The following MARS1 variants were observed in gnomAD, a reference collection of about 807,000 sequenced individuals.
MARS1 encodes methionyl-tRNA synthetase 1, also known as methionine--tRNA ligase, cytoplasmic.
A neutral mutation model predicts 119.5 loss-of-function variants in MARS1; 80 were observed. The observed-to-expected ratio is 0.67, with a 90% CI of 0.56 to 0.81. The LOEUF (loss-of-function observed/expected upper bound fraction) is 0.81. Ranked by LOEUF, MARS1 falls within the 30% of genes least tolerant of loss-of-function variation. The probability of loss-of-function intolerance (pLI) is 0.00; values close to 1 mark genes in which losing one functional copy is unlikely to be tolerated. For missense variants in MARS1, 945 were observed against 1,116.5 expected (o/e 0.85, Z 2.19); for synonymous variants, 418 against 433.4 (o/e 0.96, Z 0.44).
intron 9 of MARS1, 105 bp downstream of exon 9, chr12:57,498,728 C>A: frequency 9.7e-7 from 1 of 1,028,700 alleles, no homozygotes; most frequent in East Asian, 2.4e-5. Context: ...CTGGGCACTC[C>A]TAAACTTAGG....
In MARS1 at chr12:57,511,695, C is replaced by G; in HGVS notation, c.1369-3C>G. ...AATCAGCCCTCTTTCTCCGTTATCT[C>G]AGCTGGAGAAGCGACTGGAGGAGTG... On this transcript the variant is annotated splice_region_variant and splice_polypyrimidine_tract_variant and intron_variant, in intron 11 of 20. Coordinates refer to ENST00000262027, the MANE Select transcript of MARS1 (RefSeq NM_004990.4). 1 of 1,614,126 alleles carries G rather than the reference C, an allele frequency of 6.2e-7. No homozygotes were observed. The highest frequency in any genetic ancestry group is 8.5e-7 in the Non-Finnish European group (1 of 1,179,954).
Position 57,512,887 on chromosome 12 carries a change from C to G in MARS1, c.1890C>G (p.Asp630Glu). Residue 630 changes from aspartate to glutamate, a missense_variant, in exon 15 of 21, where the codon GAC becomes GAG. Physicochemically the swap from Asp to Glu is conservative, Grantham distance 45. Coordinates refer to ENST00000262027, the MANE Select transcript of MARS1 (RefSeq NM_004990.4). ...TGTACATTCGGCCTGAGGGCCAGGA[C>G]AGTGCTTTCTCCTGGACGGACCTGC... ...YLLYIRPEGQ[D>E]SAFSWTDLLL... 2 of 1,614,232 alleles carry G rather than the reference C, an allele frequency of 1.2e-6. No homozygotes were observed. The highest frequency in any genetic ancestry group is 1.3e-5 in the African/African-American group (1 of 75,060).
At chr12:57,497,964 T>G (rs1324750164) in intron 7 of MARS1, among the ~76,000 whole-genome samples, 193 bp from the exon 8 acceptor site, 1 of 152,150 alleles carries the variant, frequency 6.6e-6, no homozygotes, top group Non-Finnish European at 1.5e-5. Flanking sequence ...GGCAGTGCCC[T>G]GTATTTGCAT....
intron 15 of MARS1, among the ~76,000 whole-genome samples, 153 bp from the exon 16 acceptor site, chr12:57,514,567 T>G (rs1237613439): frequency 2.0e-5 from 3 of 152,192 alleles, no homozygotes; most frequent in Non-Finnish European, 4.4e-5. Flanking sequence ...AATTAGGCCT[T>G]GTCTACTAGC....
Position 57,489,902 on chromosome 12 carries a change from G to A in MARS1, c.421G>A (p.Glu141Lys). 1 of 1,614,072 alleles carries A rather than the reference G, an allele frequency of 6.2e-7. No individual in the cohort carries two copies. Reference sequence around the variant, plus strand: ...TTTTCTATCCCCAACAAAGGAGACAGAATCTCTAGCCGACATTGTTTTGTG... The same window carrying A: ...TTTTCTATCCCCAACAAAGGAGACAAAATCTCTAGCCGACATTGTTTTGTG... ...QNCPFLAGET[E>K]SLADIVLWGA... The change falls in exon 5 of 21, where the codon GAA (glutamate) becomes AAA (lysine). Residue 141 changes from glutamate (E) to lysine (K), a missense_variant. By Grantham distance (56) the Glu-to-Lys change is moderately conservative. Coordinates refer to ENST00000262027, the MANE Select transcript of MARS1 (RefSeq NM_004990.4).
At chr12:57,513,510 A>C (rs958136009) in intron 15 of MARS1, among the ~76,000 whole-genome samples, 7 of 149,596 alleles carry the variant, frequency 4.7e-5, no homozygotes, top group African/African-American at 1.7e-4. Context: ...GCCACTCAGG[A>C]TGCTGAGGCG....
chr12:57,495,953 C>G (rs1315830428), intron 7 of MARS1, among the ~76,000 whole-genome samples: 2 of 152,234 alleles, frequency 1.3e-5, no homozygotes, highest in Admixed American at 6.5e-5. Context: ...GGCGGCAGTA[C>G]AGTCCGGCCT....
Position 57,515,076 on chromosome 12 carries a change from G to C in MARS1, c.2204+18G>C. 6.2e-7 allele frequency: 1 copy of C among 1,614,114 alleles called. No individual in the cohort carries two copies. Among genetic ancestry groups the C allele is most frequent in the Non-Finnish European group, 8.5e-7 (1 of 1,179,950 alleles). ...GCTGACAGGTAGGTAAGCGGGGAGG[G>C]TTGGCTAAAGGCATAAAGTGGCTTG... On this transcript the variant is annotated intron_variant, in intron 17 of 20. Transcript: ENST00000262027.
intron 7 of MARS1, among the ~76,000 whole-genome samples, chr12:57,496,173 C>G (rs1283237478): frequency 6.7e-6 from 1 of 149,676 alleles, no homozygotes; most frequent in African/African-American, 2.5e-5. Context: ...AATATAAGCA[C>G]TTTCTTTTTT....
Position 57,500,506 on chromosome 12 carries a change from A to G in MARS1, c.1277A>G (p.Asn426Ser). 3.7e-6 allele frequency: 6 copies of G among 1,614,142 alleles called. No homozygotes were observed. Among genetic ancestry groups the G allele is most frequent in the Admixed American group, 1.7e-5 (1 of 60,024 alleles). ...DQCDKCGKLI[N>S]AVELKKPQCK... ...TGTGACAAGTGTGGCAAGCTCATCA[A>G]TGCTGTCGAGCTTAAGGTAAGAGGA... Residue 426 changes from asparagine to serine, a missense_variant, in exon 10 of 21, where the codon AAT becomes AGT. By Grantham distance (46) the Asn-to-Ser change is conservative. Transcript: ENST00000262027.
intron 7 of MARS1, among the ~76,000 whole-genome samples, chr12:57,493,341 T>C (rs1377362926): frequency 5.5e-4 from 54 of 97,784 alleles, no homozygotes; most frequent in African/African-American, 2.4e-3. Flanking sequence ...TAATATATGT[T>C]ATATAATATA....
At chr12:57,511,623 G>A in intron 11 of MARS1, 75 bp from the exon 12 acceptor site, 1 of 1,521,922 alleles carries the variant, frequency 6.6e-7, no homozygotes, top group African/African-American at 1.4e-5. Context: ...GCTCCAAAAA[G>A]GTTATATGTG....
At chr12:57,490,803 TACATTTTC>T (rs1875895186) in intron 7 of MARS1, among the ~76,000 whole-genome samples, 159 bp downstream of exon 7, 2 of 141,720 alleles carry the variant, frequency 1.4e-5, no homozygotes, top group Non-Finnish European at 3.0e-5. Context: ...TTTTTTTTTT[TACATTTTC>T]TCTTAGCCTA....
intron 1 of MARS1, chr12:57,488,529 T>C: frequency 6.6e-7 from 1 of 1,524,710 alleles, no homozygotes; most frequent in Non-Finnish European, 8.9e-7. Context: ...GTTACTAGCA[T>C]GACAGCCCCC....
chr12:57,513,567 C>T (rs913753851), intron 15 of MARS1, among the ~76,000 whole-genome samples: 3 of 147,312 alleles, frequency 2.0e-5, no homozygotes, highest in Non-Finnish European at 4.5e-5. Context: ...TGGAGCAGTA[C>T]TCGTACCCCT....
intron 7 of MARS1, among the ~76,000 whole-genome samples, chr12:57,496,459 G>A (rs972811145): frequency 2.6e-5 from 4 of 151,982 alleles, no homozygotes; most frequent in African/African-American, 4.8e-5. Flanking sequence ...CACTGCATCC[G>A]GCCAATACTA....
chr12:57,516,292 C>G lies in MARS1; in HGVS notation c.2511C>G (p.Ala837=), dbSNP rs780483586. Residue 837 remains alanine, a synonymous_variant, in exon 20 of 21, where the codon GCC becomes GCG. Transcript: ENST00000262027. The part of the protein sequence containing the change: ...KPAVVETVTT[A]KPQQIQALMD... The stretch of plus-strand genomic sequence containing the variant: ...CAGTTGTAGAGACTGTTACAACAGC[C>G]AAGCCACAGCAGATACAAGCGCTGA... 1.1e-5 allele frequency: 18 copies of G among 1,609,142 alleles called. No homozygotes were observed. Among genetic ancestry groups the G allele is most frequent in the Middle Eastern group, 1.6e-4 (1 of 6,064 alleles).
chr12:57,493,305 A>ACATATAT (rs1876091127), intron 7 of MARS1, among the ~76,000 whole-genome samples: 1 of 108,910 alleles, frequency 9.2e-6, no homozygotes, highest in African/African-American at 3.7e-5. Flanking sequence ...TATATATATA[A>ACATATAT]TATATATTAT....
intron 7 of MARS1, among the ~76,000 whole-genome samples, chr12:57,493,819 ATATATTATATTATATAT>A (rs1237022926): frequency 1.7e-3 from 2 of 1,166 alleles, no homozygotes; most frequent in Non-Finnish European, 9.1e-3. Flanking sequence ...TGTATATTAT[ATATATTATATTATATAT>A]TATAATATAT....
Sources: gnomAD v4.1 joint callset for allele counts (sites outside exome capture counted in the v4.1 genomes callset) on GRCh38, gnomAD v4.1.1 for gene constraint, MANE v1.5 for transcripts, NCBI Gene and HGNC (gene_info 2026-07-23, HGNC 2026-07-21) for gene names.